KCNB2: variants seen among roughly 807,000 people sequenced by gnomAD.
KCNB2 encodes the protein delayed rectifier potassium channel protein.
Under a neutral mutation model 61.5 loss-of-function variants are expected in KCNB2, and 15 were observed. That is an observed-to-expected ratio of 0.24 (90% CI 0.16 to 0.38). KCNB2 has a LOEUF of 0.38. Among genes scored for constraint, KCNB2 ranks in the 10% least tolerant of loss-of-function variants. The pLI is 1.00. For synonymous variants in KCNB2, 457 were observed against 446.0 expected (o/e 1.02, Z -0.31); for missense variants, 828 against 1,125.2 (o/e 0.74, Z 3.78).
intron 2 of KCNB2, among the ~76,000 whole-genome samples, chr8:72,698,472 A>C (rs1022171406): frequency 2.0e-5 from 3 of 152,178 alleles, no homozygotes; most frequent in African/African-American, 7.2e-5. Flanking sequence ...TATTCCTATC[A>C]AACTACAAAC....
At chr8:72,793,109 C>T (rs1808973202) in intron 2 of KCNB2, among the ~76,000 whole-genome samples, 1 of 152,140 alleles carries the variant, frequency 6.6e-6, no homozygotes, top group East Asian at 1.9e-4. Flanking sequence ...AATATCCTTT[C>T]GTATTCTGAT....
intron 2 of KCNB2, among the ~76,000 whole-genome samples, chr8:72,716,950 G>A (rs1275768639): frequency 1.3e-5 from 2 of 152,024 alleles, no homozygotes; most frequent in Non-Finnish European, 1.5e-5. Flanking sequence ...AAGCTGATAA[G>A]CAACTTCAGC....
At position 72,758,443 on chromosome 8, in the gene KCNB2, A is replaced by C. The variant is rs796805053; in HGVS notation, c.580-177492A>C. Among the ~76,000 whole-genome samples, 3 of 152,322 alleles carry C rather than the reference A, an allele frequency of 2.0e-5. 1 individual carries two copies. The highest frequency in any genetic ancestry group is 6.5e-5 in the Admixed American group (1 of 15,300). On this transcript the variant is annotated intron_variant, in intron 2 of 2. Transcript: ENST00000523207. ...AAAGACCAAGCCGAACAGGCTCAAA[A>C]CAAATGTGTATAAACATAGATCTAA...
chr8:72,539,622 G>A (rs1032695544), intron 1 of KCNB2, among the ~76,000 whole-genome samples: 6 of 151,978 alleles, frequency 3.9e-5, no homozygotes, highest in Middle Eastern at 3.4e-3. Context: ...CACACGTATC[G>A]ACTCCAGAAA....
intron 2 of KCNB2, among the ~76,000 whole-genome samples, chr8:72,920,831 C>G (rs1468061001): frequency 6.6e-6 from 1 of 151,562 alleles, no homozygotes; most frequent in Non-Finnish European, 1.5e-5. Context: ...TATTCAAAAC[C>G]CAAATAACAA....
intron 2 of KCNB2, among the ~76,000 whole-genome samples, chr8:72,569,208 G>A (rs1209296381): frequency 6.6e-6 from 1 of 152,186 alleles, no homozygotes; most frequent in East Asian, 1.9e-4. Flanking sequence ...TTAGCTGCAG[G>A]AGTATAGTAT....
intron 2 of KCNB2, among the ~76,000 whole-genome samples, chr8:72,737,615 T>C (rs1200468690): frequency 1.3e-5 from 2 of 152,186 alleles, no homozygotes; most frequent in East Asian, 1.9e-4. Flanking sequence ...GATTGAGGTA[T>C]TGAGTTGCAA....
At chr8:72,888,685 T>C (rs955628807) in intron 2 of KCNB2, among the ~76,000 whole-genome samples, 6 of 152,304 alleles carry the variant, frequency 3.9e-5, no homozygotes, top group African/African-American at 1.4e-4. Flanking sequence ...TTAAGCTCCT[T>C]GTTTCTCAGT....
At chr8:72,910,864 GC>G (rs1432519023) in intron 2 of KCNB2, among the ~76,000 whole-genome samples, 5 of 152,154 alleles carry the variant, frequency 3.3e-5, no homozygotes, top group African/African-American at 1.2e-4. Context: ...TTTGCCTCAT[GC>G]CATGGTTTGA....
intron 2 of KCNB2, among the ~76,000 whole-genome samples, chr8:72,847,110 T>A (rs538062511): frequency 1.3e-5 from 2 of 152,310 alleles, no homozygotes; most frequent in South Asian, 4.1e-4. Context: ...ACCTTCTGCA[T>A]TGATCTCACT....
intron 2 of KCNB2, among the ~76,000 whole-genome samples, chr8:72,799,288 G>C (rs1809083926): frequency 6.6e-6 from 1 of 152,170 alleles, no homozygotes; most frequent in Middle Eastern, 3.4e-3. Context: ...TTCTTAACTA[G>C]AAAATTAAAA....
At chr8:72,539,576 A>G (rs1345554816) in intron 1 of KCNB2, among the ~76,000 whole-genome samples, 1 of 151,990 alleles carries the variant, frequency 6.6e-6, no homozygotes, top group Non-Finnish European at 1.5e-5. Flanking sequence ...TTCCCTCTCC[A>G]TGTTAGTGTT....
intron 2 of KCNB2, among the ~76,000 whole-genome samples, chr8:72,593,211 C>T (rs935004296): frequency 2.0e-5 from 3 of 151,984 alleles, no homozygotes; most frequent in South Asian, 4.1e-4. Context: ...GTAATATTTA[C>T]GTTTTAGAAA....
intron 2 of KCNB2, among the ~76,000 whole-genome samples, chr8:72,659,049 T>G (rs1305143221): frequency 6.6e-6 from 1 of 152,180 alleles, no homozygotes; most frequent in Non-Finnish European, 1.5e-5. Context: ...CAAGTTTTAT[T>G]ATATAAAAAA....
At chr8:72,759,010 AG>A (rs1808336460) in intron 2 of KCNB2, among the ~76,000 whole-genome samples, 1 of 152,216 alleles carries the variant, frequency 6.6e-6, no homozygotes, top group Non-Finnish European at 1.5e-5. Flanking sequence ...ATATTTTATA[AG>A]AAGAACTTTT....
At chr8:72,550,806 T>C (rs1010789400) in intron 1 of KCNB2, among the ~76,000 whole-genome samples, 1 of 152,106 alleles carries the variant, frequency 6.6e-6, no homozygotes, top group African/African-American at 2.4e-5. Flanking sequence ...GCAATCCCAG[T>C]AGACAGGAAG....
At chr8:72,767,610 T>G (rs887602752) in intron 2 of KCNB2, among the ~76,000 whole-genome samples, 3 of 152,272 alleles carry the variant, frequency 2.0e-5, no homozygotes, top group African/African-American at 7.2e-5. Context: ...ATACTACATC[T>G]TATTTATCCA....
chr8:72,926,670 T>C lies in KCNB2; in HGVS notation c.580-9265T>C, dbSNP rs541198182. On this transcript the variant is annotated intron_variant, in intron 2 of 2. Coordinates refer to ENST00000523207, the MANE Select transcript of KCNB2 (RefSeq NM_004770.3). ...CATCTGTAAGATAATAGTGGAGATT[T>C]GTTGGAGCTACTCAATCTTCCTGGT... Among the ~76,000 whole-genome samples the C allele has an allele frequency of 1.7e-4, 26 of 152,310 alleles. No individual in the cohort carries two copies. The South Asian group carries it at 5.2e-3, about 30-fold the overall frequency.
intron 2 of KCNB2, among the ~76,000 whole-genome samples, chr8:72,700,123 C>T (rs1376834714): frequency 6.6e-6 from 1 of 152,082 alleles, no homozygotes; most frequent in East Asian, 1.9e-4. Flanking sequence ...CATGTTCTCA[C>T]TCATAAGTGG....
Sources: allele counts gnomAD v4.1 joint callset (sites outside exome capture counted in the v4.1 genomes callset), GRCh38; gene constraint gnomAD v4.1.1; transcripts MANE v1.5; gene names NCBI Gene and HGNC (gene_info 2026-07-23, HGNC 2026-07-21).